RBM47: variants seen among roughly 807,000 people sequenced by gnomAD.
The protein encoded by RBM47 is RNA-binding protein 47.
Under a neutral mutation model 47.1 loss-of-function variants are expected in RBM47, and 21 were observed. The ratio of observed to expected loss-of-function variants is 0.45; its 90% CI spans 0.32 to 0.64. RBM47 has a LOEUF of 0.64. Among genes scored for constraint, RBM47 ranks in the 30% least tolerant of loss-of-function variants. The pLI is 0.05. For synonymous variants in RBM47, 375 were observed against 361.7 expected, an observed-to-expected ratio of 1.04 and a Z score of -0.42; for missense variants, 708 against 870.9, an observed-to-expected ratio of 0.81 and a Z score of 2.35.
intron 1 of RBM47, among the ~76,000 whole-genome samples, chr4:40,575,802 A>C (rs1339918404): frequency 6.6e-6 from 1 of 152,122 alleles, no homozygotes; most frequent in East Asian, 1.9e-4. Context: ...GTCATCTGGA[A>C]TTTTCTCTCT....
In RBM47 at chr4:40,573,973, AT is replaced by A. The variant is rs1231357731; in HGVS notation, c.-239-29468del. On this transcript the variant is annotated intron_variant, in intron 1 of 6. Transcript: ENST00000295971. ...TTAGACATCTTTGGTTTAAATTTTC[AT>A]TTGTTAAAGGCTATGGTGGATCAGA... Among the ~76,000 whole-genome samples the A allele has an allele frequency of 1.1e-4, 16 of 152,216 alleles. 2 individuals carry two copies. Among genetic ancestry groups the A allele is most frequent in the Admixed American group, 1.0e-3 (16 of 15,274 alleles).
At chr4:40,524,197 G>C (rs1726484634) in intron 2 of RBM47, among the ~76,000 whole-genome samples, 1 of 152,170 alleles carries the variant, frequency 6.6e-6, no homozygotes, top group African/African-American at 2.4e-5. Flanking sequence ...ACTAGACACA[G>C]TGCTAAATTC....
Position 40,566,502 on chromosome 4 carries a change from G to A in RBM47, c.-239-21996C>T, listed in dbSNP as rs28540336. Among the ~76,000 whole-genome samples, 852 of 151,950 alleles carry A rather than the reference G, an allele frequency of 5.6e-3. 7 individuals carry two copies. Among genetic ancestry groups the A allele is most frequent in the African/African-American group, 0.02 (821 of 41,474 alleles). On this transcript the variant is annotated intron_variant, in intron 1 of 6. Transcript: ENST00000295971. ...TCTACTAAAAATACAAAAATTAGCC[G>A]GGTATGGTGGCGCGTGCCTGTAATC...
intron 2 of RBM47, among the ~76,000 whole-genome samples, chr4:40,504,540 G>A (rs890661064): frequency 3.3e-5 from 5 of 152,096 alleles, no homozygotes; most frequent in East Asian, 1.9e-4. Flanking sequence ...TGATCCACCC[G>A]CCTCGGCCCT....
At chr4:40,433,724 T>C (rs1347679750) in intron 5 of RBM47, among the ~76,000 whole-genome samples, 2 of 152,118 alleles carry the variant, frequency 1.3e-5, no homozygotes, top group Non-Finnish European at 2.9e-5. Flanking sequence ...CCCCACCCTG[T>C]ATTTCAGATT....
Position 40,425,289 on chromosome 4 carries a change from C to A in RBM47, c.*615G>T, listed in dbSNP as rs1040655047. 14 of 152,618 alleles carry A rather than the reference C, an allele frequency of 9.2e-5. No individual in the cohort carries two copies. The highest frequency in any genetic ancestry group is 7.9e-4 in the Admixed American group (12 of 15,264). The allele number at this position is 152,618 out of a possible 1,614,324, so 9.5% of individuals were successfully genotyped here. A position where few individuals can be genotyped will look rare whatever the true frequency, so the allele number is the denominator to read the frequency against. On this transcript the variant is annotated 3_prime_UTR_variant, in exon 7 of 7. Coordinates refer to ENST00000295971, the MANE Select transcript of RBM47 (RefSeq NM_001098634.2). ...TAAGGAGAGATCCAGTGTTTAATTT[C>A]TTTTAAAAAATAGTACCGCCATGAT...
intron 3 of RBM47, among the ~76,000 whole-genome samples, chr4:40,465,383 G>T (rs365117): frequency 0.53 from 80,741 of 151,636 alleles, 22,160 homozygotes; most frequent in East Asian, 0.7. Context: ...CAGCTCAGCG[G>T]GGCACTGTGC....
At chr4:40,555,078 A>G (rs1207978114) in intron 1 of RBM47, among the ~76,000 whole-genome samples, 1 of 152,026 alleles carries the variant, frequency 6.6e-6, no homozygotes, top group Non-Finnish European at 1.5e-5. Flanking sequence ...TGGGATTACA[A>G]GCGCCCGCCA....
At chr4:40,429,919 G>A (rs534923573) in intron 6 of RBM47, among the ~76,000 whole-genome samples, 1 of 152,166 alleles carries the variant, frequency 6.6e-6, no homozygotes, top group South Asian at 2.1e-4. Flanking sequence ...TGGTGGCCGG[G>A]CGCGGTGGCT....
At chr4:40,566,927 C>T (rs1048736545) in intron 1 of RBM47, among the ~76,000 whole-genome samples, 7 of 151,922 alleles carry the variant, frequency 4.6e-5, no homozygotes, top group African/African-American at 1.7e-4. Context: ...AGATTACAAG[C>T]AGGAGCCACT....
intron 3 of RBM47, among the ~76,000 whole-genome samples, chr4:40,446,147 A>G (rs1438658834): frequency 6.6e-6 from 1 of 152,198 alleles, no homozygotes; most frequent in Non-Finnish European, 1.5e-5. Context: ...GTATTAACCA[A>G]TGTTTACTGA....
intron 1 of RBM47, among the ~76,000 whole-genome samples, chr4:40,625,603 T>C (rs1373017779): frequency 6.6e-6 from 1 of 152,084 alleles, no homozygotes; most frequent in Non-Finnish European, 1.5e-5. Flanking sequence ...AGCTGGTGGA[T>C]ACTCAGGGAA....
At chr4:40,459,233 G>A (rs1716735730) in intron 3 of RBM47, among the ~76,000 whole-genome samples, 1 of 152,168 alleles carries the variant, frequency 6.6e-6, no homozygotes, top group African/African-American at 2.4e-5. Context: ...TTTATCCCCA[G>A]TGCCTGGCAC....
chr4:40,534,538 C>T (rs919181119), intron 2 of RBM47, among the ~76,000 whole-genome samples: 9 of 152,136 alleles, frequency 5.9e-5, no homozygotes, highest in Non-Finnish European at 1.3e-4. Context: ...TGGTCATTTT[C>T]ACTGAACTGT....
rs1270402252 is a variant in RBM47, at chr4:40,435,929, C to T, written c.1330+512G>A. Among the ~76,000 whole-genome samples, 5 of 146,154 alleles carry T rather than the reference C, an allele frequency of 3.4e-5. No individual in the cohort carries two copies. The East Asian group carries it at 6.1e-4, about 18-fold the overall frequency. ...ATCCCAGCACTTTGGGAGGCCGAGACGGGTGGATCATAAGGTCAGGAGATC... is the reference window on the plus strand; with the variant it reads ...ATCCCAGCACTTTGGGAGGCCGAGATGGGTGGATCATAAGGTCAGGAGATC... On this transcript the variant is annotated intron_variant, in intron 5 of 6. Transcript: ENST00000295971.
chr4:40,515,092 A>G (rs996588450), intron 2 of RBM47, among the ~76,000 whole-genome samples: 1 of 152,210 alleles, frequency 6.6e-6, no homozygotes, highest in African/African-American at 2.4e-5. Context: ...CCCATTTTCC[A>G]TATCCTTCAA....
At chr4:40,457,048 C>T (rs1716379355) in intron 3 of RBM47, among the ~76,000 whole-genome samples, 1 of 152,114 alleles carries the variant, frequency 6.6e-6, no homozygotes, top group Admixed American at 6.5e-5. Flanking sequence ...TTCTTTTTGG[C>T]AGTAGAGTTG....
chr4:40,440,357 TC>T (rs1713431840), intron 3 of RBM47, among the ~76,000 whole-genome samples: 1 of 152,182 alleles, frequency 6.6e-6, no homozygotes, highest in Admixed American at 6.5e-5. Context: ...TTATAAGCAT[TC>T]CTCTGTATTC....
intron 1 of RBM47, among the ~76,000 whole-genome samples, chr4:40,595,974 T>G (rs1164094916): frequency 6.6e-6 from 1 of 152,136 alleles, no homozygotes; most frequent in Non-Finnish European, 1.5e-5. Flanking sequence ...TGTATCTATC[T>G]GCAGCCAGTG....
Sources: gnomAD v4.1 joint callset for allele counts (sites outside exome capture counted in the v4.1 genomes callset) on GRCh38, gnomAD v4.1.1 for gene constraint, MANE v1.5 for transcripts, NCBI Gene and HGNC (gene_info 2026-07-23, HGNC 2026-07-21) for gene names.